The following AUTS2 variants were observed in gnomAD, a reference collection of about 807,000 sequenced individuals.
AUTS2 encodes autism susceptibility gene 2 protein.
Under a neutral mutation model 112.4 loss-of-function variants are expected in AUTS2, and 17 were observed. That is an observed-to-expected ratio of 0.15 (90% confidence interval 0.10 to 0.23). AUTS2 has a LOEUF of 0.23. Among genes scored for constraint, AUTS2 ranks in the 10% least tolerant of loss-of-function variants. The pLI, the probability that AUTS2 is intolerant of heterozygous loss-of-function variation, is 1.00. For synonymous variants in AUTS2, 751 were observed against 702.7 expected (o/e 1.07, Z -1.09); for missense variants, 1,510 against 1,701.6 (o/e 0.89, Z 1.98).
intron 5 of AUTS2, among the ~76,000 whole-genome samples, chr7:70,609,129 T>C (rs12672731): frequency 0.17 from 26,167 of 152,068 alleles, 2,691 homozygotes; most frequent in African/African-American, 0.27. Context: ...AATGTTATTA[T>C]CTATAGTCAC....
At position 70,435,759 on chromosome 7, in the gene AUTS2, G is replaced by A. The variant is rs1795867292; in HGVS notation, c.668G>A (p.Ser223Asn). ...SSLGTGYFCD[S>N]DSDQEEKASD... Reference sequence around the variant, plus strand: ...TCTTGTCTTCATTTTCAGTGTGACAGTGACAGTGACCAGGAAGAGAAGGTA... The same window carrying A: ...TCTTGTCTTCATTTTCAGTGTGACAATGACAGTGACCAGGAAGAGAAGGTA... The change falls in exon 5 of 19, where the codon AGT becomes AAT. Residue 223 changes from serine (S) to asparagine (N), a missense_variant. Around this residue, in one of 3 missense-constraint regions of AUTS2, gnomAD observed 535 missense variants for 594.3 expected, o/e 0.90. Transcript: ENST00000342771. 1 of 1,614,094 alleles carries A rather than the reference G, an allele frequency of 6.2e-7. No individual in the cohort carries two copies. Among genetic ancestry groups the A allele is most frequent in the Non-Finnish European group, 8.5e-7 (1 of 1,179,988 alleles).
At chr7:70,622,887 G>C (rs897836292) in intron 5 of AUTS2, among the ~76,000 whole-genome samples, 1 of 152,172 alleles carries the variant, frequency 6.6e-6, no homozygotes, top group Non-Finnish European at 1.5e-5. Context: ...TGCAAGAGTT[G>C]GGGGTTGGCC....
At chr7:69,609,376 C>A (rs931042349) in intron 1 of AUTS2, among the ~76,000 whole-genome samples, 2 of 152,214 alleles carry the variant, frequency 1.3e-5, no homozygotes, top group Non-Finnish European at 2.9e-5. Context: ...TCCCTGCGCT[C>A]TCTCCCAGTG....
At chr7:70,665,481 T>TTTATTTA (rs1158166241) in intron 5 of AUTS2, among the ~76,000 whole-genome samples, 7 of 65,556 alleles carry the variant, frequency 1.1e-4, no homozygotes, top group South Asian at 4.5e-4. Context: ...TTATTTATTT[T>TTTATTTA]TGTAGAGGTA....
At chr7:70,600,797 C>T (rs1413916791) in intron 5 of AUTS2, among the ~76,000 whole-genome samples, 1 of 152,056 alleles carries the variant, frequency 6.6e-6, no homozygotes, top group African/African-American at 2.4e-5. Flanking sequence ...CAGTATGTGG[C>T]TTTTGTCTTG....
chr7:70,705,152 C>T (rs899281780), intron 6 of AUTS2, among the ~76,000 whole-genome samples: 2 of 152,172 alleles, frequency 1.3e-5, no homozygotes, highest in African/African-American at 2.4e-5. Flanking sequence ...TATTGTTTTG[C>T]GGCTTATATA....
intron 2 of AUTS2, among the ~76,000 whole-genome samples, chr7:69,905,983 G>A (rs192439825): frequency 2.1e-4 from 32 of 152,256 alleles, no homozygotes; most frequent in Admixed American, 2.0e-3. Flanking sequence ...ATGTGTATTT[G>A]TGCATGCAGA....
chr7:70,406,982 T>TC (rs1371300310), intron 4 of AUTS2, among the ~76,000 whole-genome samples: 1 of 152,218 alleles, frequency 6.6e-6, no homozygotes, highest in Non-Finnish European at 1.5e-5. Flanking sequence ...TGTTAAGTTG[T>TC]CATTCTCCTT....
rs1385794004 is a variant in AUTS2, at chr7:70,366,601, A to T, written c.661-69151A>T. Among the ~76,000 whole-genome samples the T allele has an allele frequency of 3.3e-5, 5 of 152,320 alleles. No individual in the cohort carries two copies. In the Middle Eastern group the frequency reaches 0.01, roughly 311 times the overall value. Reference sequence around the variant, plus strand: ...AGACTAAAAATCAGATTTGGATATCAGTGAGGTGATGCTGATAAACTCGGG... The same window carrying T: ...AGACTAAAAATCAGATTTGGATATCTGTGAGGTGATGCTGATAAACTCGGG... On this transcript the variant is annotated intron_variant, in intron 4 of 18. Transcript: ENST00000342771.
intron 5 of AUTS2, among the ~76,000 whole-genome samples, chr7:70,556,470 G>A (rs766371443): frequency 2.4e-4 from 37 of 152,206 alleles, no homozygotes; most frequent in Admixed American, 2.0e-4. Context: ...TAAGGACTGG[G>A]ATTGTCATTG....
intron 1 of AUTS2, among the ~76,000 whole-genome samples, chr7:69,708,682 C>T (rs1798174047): frequency 6.6e-6 from 1 of 152,136 alleles, no homozygotes; most frequent in African/African-American, 2.4e-5. Context: ...AGTTTGTATT[C>T]TTTATTTTCT....
chr7:70,468,384 ATC>A (rs1434764823), intron 5 of AUTS2, among the ~76,000 whole-genome samples: 1 of 152,216 alleles, frequency 6.6e-6, no homozygotes, highest in African/African-American at 2.4e-5. Context: ...CCAGAACATG[ATC>A]TTTAGAAGGA....
chr7:70,470,014 A>G (rs1047818297), intron 5 of AUTS2, among the ~76,000 whole-genome samples: 13 of 152,358 alleles, frequency 8.5e-5, no homozygotes, highest in African/African-American at 2.4e-4. Flanking sequence ...CAAGGATAGC[A>G]TGACACACAT....
intron 4 of AUTS2, among the ~76,000 whole-genome samples, chr7:70,177,810 G>A (rs1031262865): frequency 7.7e-5 from 7 of 91,082 alleles, no homozygotes; most frequent in African/African-American, 3.3e-4. Flanking sequence ...TGTCTGTTCT[G>A]CATTCTCATT....
intron 1 of AUTS2, among the ~76,000 whole-genome samples, chr7:69,737,286 A>G (rs945260996): frequency 6.6e-6 from 1 of 152,172 alleles, no homozygotes; most frequent in African/African-American, 2.4e-5. Flanking sequence ...ACATTTATCA[A>G]ATGCTATTAA....
chr7:70,558,032 C>A (rs564095534), intron 5 of AUTS2, among the ~76,000 whole-genome samples: 6 of 152,180 alleles, frequency 3.9e-5, no homozygotes, highest in African/African-American at 1.2e-4. Flanking sequence ...GGCGTTCCCA[C>A]CTTCACTCTT....
chr7:69,885,044 A>G (rs1794213487), intron 1 of AUTS2, among the ~76,000 whole-genome samples: 1 of 152,186 alleles, frequency 6.6e-6, no homozygotes, highest in Non-Finnish European at 1.5e-5. Flanking sequence ...GTGAAGATTG[A>G]GAGAGAGGGA....
In AUTS2 at chr7:70,766,150, T is replaced by G; in HGVS notation, c.1505T>G (p.Phe502Cys). 6.2e-7 allele frequency: 1 copy of G among 1,614,146 alleles called. No homozygotes were observed. Among genetic ancestry groups the G allele is most frequent in the Non-Finnish European group, 8.5e-7 (1 of 1,180,010 alleles). Residue 502 changes from phenylalanine (F) to cysteine (C), a missense_variant, in exon 9 of 19, where the codon TTT becomes TGT. Around this residue, in one of 3 missense-constraint regions of AUTS2, gnomAD observed 187 missense variants for 309.7 expected, o/e 0.60. Transcript: ENST00000342771. This position sits in a 1 kb window ranked among gnomAD's most constrained non-coding sequence, Gnocchi z 4.8. The part of the protein sequence containing the change: ...DILRQELNTR[F>C]LASQSADRGA... Reference sequence around the variant, plus strand: ...TTGCGACAGGAACTGAACACTCGTTTTTTGGCCTCTCAGAGTGCTGACCGC... The same window carrying G: ...TTGCGACAGGAACTGAACACTCGTTGTTTGGCCTCTCAGAGTGCTGACCGC...
At chr7:69,924,312 A>G (rs1290435614) in intron 2 of AUTS2, among the ~76,000 whole-genome samples, 1 of 152,114 alleles carries the variant, frequency 6.6e-6, no homozygotes, top group Non-Finnish European at 1.5e-5. Flanking sequence ...TAACTTCTAA[A>G]TAGATTGTTG....
Sources: allele counts gnomAD v4.1 joint callset (sites outside exome capture counted in the v4.1 genomes callset), GRCh38; gene constraint gnomAD v4.1.1; regional missense constraint gnomAD v4.1.1; non-coding constraint Gnocchi (gnomAD v3.1); transcripts MANE v1.5; gene names NCBI Gene and HGNC (gene_info 2026-07-23, HGNC 2026-07-21).